Variants in ROBO2 observed in about 807,000 individuals in gnomAD.
The protein encoded by ROBO2 is roundabout guidance receptor 2.
In ROBO2, 53 loss-of-function variants were observed where a neutral mutation model predicts 160.8. The observed-to-expected ratio is 0.33, with a 90% CI of 0.26 to 0.41. ROBO2 has a LOEUF of 0.41. Ranked by LOEUF, ROBO2 falls within the 10% of genes least tolerant of loss-of-function variation. The pLI, the probability that ROBO2 is intolerant of heterozygous loss-of-function variation, is 1.00. For missense variants in ROBO2, 1,577 were observed against 1,722.4 expected (o/e 0.92, Z 1.49); for synonymous variants, 664 against 611.7 (o/e 1.09, Z -1.26).
chr3:76,194,875 C>G (rs932973775), intron 2 of ROBO2, among the ~76,000 whole-genome samples: 3 of 152,162 alleles, frequency 2.0e-5, no homozygotes, highest in Non-Finnish European at 4.4e-5. Context: ...GCGTTGGTCT[C>G]TCAAAGTTCT....
intron 2 of ROBO2, among the ~76,000 whole-genome samples, chr3:76,813,664 C>T (rs947897567): frequency 7.9e-5 from 12 of 152,102 alleles, no homozygotes; most frequent in African/African-American, 2.4e-4. Context: ...AATAAAATAG[C>T]GCAGCATCTA....
At chr3:76,298,104 C>G (rs916256357) in intron 2 of ROBO2, among the ~76,000 whole-genome samples, 3 of 152,118 alleles carry the variant, frequency 2.0e-5, no homozygotes, top group African/African-American at 4.8e-5. Flanking sequence ...AATAGTACAG[C>G]CTTTTTCGAA....
intron 2 of ROBO2, among the ~76,000 whole-genome samples, chr3:76,100,310 A>G (rs2069632952): frequency 6.6e-6 from 1 of 152,202 alleles, no homozygotes; most frequent in Admixed American, 6.5e-5. Flanking sequence ...TTTGCTGTTT[A>G]TAAATAATAC....
intron 2 of ROBO2, among the ~76,000 whole-genome samples, chr3:76,822,861 T>G (rs1301316108): frequency 2.6e-5 from 4 of 152,082 alleles, no homozygotes; most frequent in Admixed American, 6.6e-5. Context: ...TTCTATATAA[T>G]TCTTTTCTTT....
intron 2 of ROBO2, among the ~76,000 whole-genome samples, chr3:76,141,060 C>CACACATATATATATATATATATATATAT (rs540516906): frequency 3.7e-5 from 2 of 53,578 alleles, no homozygotes; most frequent in African/African-American, 1.4e-4. Flanking sequence ...TTTTTACATA[C>CACACATATATATATATATATATATATAT]ATATATATAT....
chr3:77,542,927 T>TA (rs1212763923), intron 6 of ROBO2, among the ~76,000 whole-genome samples: 3 of 152,222 alleles, frequency 2.0e-5, no homozygotes, highest in African/African-American at 4.8e-5. Flanking sequence ...AATGAAATGT[T>TA]ACACTTGTTT....
At chr3:77,039,472 T>C (rs1036677304), upstream of ROBO2, among the ~76,000 whole-genome samples, 1 of 152,096 alleles carries the variant, frequency 6.6e-6, no homozygotes, top group African/African-American at 2.4e-5. Context: ...CGGAGAAAAT[T>C]ACCTGCCCAT....
chr3:77,611,890 C>G (rs542985104), intron 21 of ROBO2, among the ~76,000 whole-genome samples: 5 of 151,654 alleles, frequency 3.3e-5, no homozygotes, highest in African/African-American at 1.2e-4. Context: ...TTATTATACT[C>G]ATATGATTCC....
intron 2 of ROBO2, among the ~76,000 whole-genome samples, chr3:76,166,546 T>G (rs1187640422): frequency 6.6e-6 from 1 of 152,128 alleles, no homozygotes; most frequent in Non-Finnish European, 1.5e-5. Flanking sequence ...AACCTCTAAA[T>G]AAATCCTCAT....
intron 2 of ROBO2, among the ~76,000 whole-genome samples, chr3:77,175,170 T>G (rs1288929800): frequency 6.6e-6 from 1 of 152,048 alleles, no homozygotes; most frequent in Non-Finnish European, 1.5e-5. Flanking sequence ...AAACTATATA[T>G]TTAGTAGTAA....
intron 5 of ROBO2, among the ~76,000 whole-genome samples, chr3:77,517,293 G>C (rs771424188): frequency 1.3e-5 from 2 of 151,424 alleles, no homozygotes; most frequent in Non-Finnish European, 3.0e-5. Context: ...AAACACAAGG[G>C]AAGAACATTC....
chr3:77,551,137 G>T (rs1220082236), intron 8 of ROBO2, 148 bp downstream of exon 9: 2 of 836,742 alleles, frequency 2.4e-6, no homozygotes, highest in Non-Finnish European at 3.8e-6. Context: ...TCTTTTGGTA[G>T]TTTCTAATTC....
rs138419146 is a variant in ROBO2, at chr3:76,318,831, G to T, written c.109+381229G>T. On this transcript the variant is annotated intron_variant, in intron 2 of 26. Transcript: ENST00000487694. ...AAGTTTAGTTATTTTCACAGGTTTTGTTACTTGAAAAGGAATTAAAATTTC... is the reference window on the plus strand; with the variant it reads ...AAGTTTAGTTATTTTCACAGGTTTTTTTACTTGAAAAGGAATTAAAATTTC... 3.0e-3 allele frequency among the ~76,000 whole-genome samples: 462 copies of T among 152,074 alleles called. 2 individuals carry two copies. The highest frequency in any genetic ancestry group is 0.011 in the African/African-American group (450 of 41,514).
rs146195903 is a variant in ROBO2 at position 77,062,023 on chromosome 3, A to G, written c.61+21177A>G. Among the ~76,000 whole-genome samples, 634 of 152,232 alleles carry G rather than the reference A, an allele frequency of 4.2e-3. 4 individuals are homozygous for G. Among genetic ancestry groups the G allele is most frequent in the African/African-American group, 0.014 (577 of 41,540 alleles). On this transcript the variant is annotated intron_variant, in intron 1 of 25. Coordinates refer to ENST00000461745, the Ensembl canonical transcript of ROBO2. Reference sequence around the variant, plus strand: ...GTAGATTCAAAGTAGGCAAAGGATAATAGAGAGAAACCGAGAGTTTAGAGG... The same window carrying G: ...GTAGATTCAAAGTAGGCAAAGGATAGTAGAGAGAAACCGAGAGTTTAGAGG...
At chr3:77,019,903 A>G (rs775938467) in intron 2 of ROBO2, among the ~76,000 whole-genome samples, 1 of 152,178 alleles carries the variant, frequency 6.6e-6, no homozygotes, top group South Asian at 2.1e-4. Flanking sequence ...TTGAATTTGA[A>G]CCACAAGTCT....
intron 2 of ROBO2, among the ~76,000 whole-genome samples, chr3:77,273,391 C>A (rs1407730251): frequency 6.6e-6 from 1 of 152,126 alleles, no homozygotes; most frequent in Non-Finnish European, 1.5e-5. Context: ...AGCATGGATC[C>A]TTGCTGAAGT....
At chr3:75,943,810 C>T (rs1446321525) in intron 2 of ROBO2, among the ~76,000 whole-genome samples, 3 of 151,972 alleles carry the variant, frequency 2.0e-5, no homozygotes, top group Non-Finnish European at 4.4e-5. Flanking sequence ...CAATGGTTCT[C>T]CTGCCTCAGG....
intron 2 of ROBO2, among the ~76,000 whole-genome samples, chr3:76,769,903 T>C (rs1365571128): frequency 6.6e-6 from 1 of 151,472 alleles, no homozygotes; most frequent in African/African-American, 2.4e-5. Context: ...TTGATACCTG[T>C]CATTGTGTTC....
chr3:76,421,542 C>T (rs553587677), intron 2 of ROBO2, among the ~76,000 whole-genome samples: 70 of 151,962 alleles, frequency 4.6e-4, no homozygotes, highest in African/African-American at 1.3e-3. Context: ...GCCTGACCAA[C>T]GTGGAGAAAC....
Sources: gnomAD v4.1 joint callset for allele counts (sites outside exome capture counted in the v4.1 genomes callset) on GRCh38, gnomAD v4.1.1 for gene constraint, MANE v1.5 for transcripts, NCBI Gene and HGNC (gene_info 2026-07-23, HGNC 2026-07-21) for gene names.